Variants in CNTNAP5 observed in about 807,000 individuals in gnomAD.
The protein encoded by CNTNAP5 is contactin associated protein family member 5.
CNTNAP5 carries 72 observed loss-of-function variants against 150.2 expected under a neutral mutation model. That is an observed-to-expected ratio of 0.48 (90% CI 0.40 to 0.58). The LOEUF (loss-of-function observed/expected upper bound fraction) is 0.58. Ranked by LOEUF, CNTNAP5 falls within the 20% of genes least tolerant of loss-of-function variation. The pLI, the probability that CNTNAP5 is intolerant of heterozygous loss-of-function variation, is 0.00. For synonymous variants in CNTNAP5, 672 were observed against 619.8 expected (o/e 1.08, Z -1.25); for missense variants, 1,636 against 1,626.2 (o/e 1.01, Z -0.10).
chr2:124,034,387 C>G (rs1384405879), intron 1 of CNTNAP5, among the ~76,000 whole-genome samples: 1 of 152,144 alleles, frequency 6.6e-6, no homozygotes, highest in Non-Finnish European at 1.5e-5. Flanking sequence ...GGCCCACTTC[C>G]CCTTCATCTG....
intron 1 of CNTNAP5, among the ~76,000 whole-genome samples, chr2:124,170,358 A>G (rs1684901632): frequency 6.6e-6 from 1 of 152,038 alleles, no homozygotes; most frequent in Non-Finnish European, 1.5e-5. Flanking sequence ...GCAGCCCAAT[A>G]TGGATTTGAC....
chr2:124,058,264 A>G (rs1681910158), intron 1 of CNTNAP5, among the ~76,000 whole-genome samples: 1 of 152,188 alleles, frequency 6.6e-6, no homozygotes, highest in Non-Finnish European at 1.5e-5. Context: ...AATGTTATAT[A>G]AGGTTTTGCA....
chr2:124,140,356 AC>A (rs1391321064), intron 1 of CNTNAP5, among the ~76,000 whole-genome samples: 1 of 151,802 alleles, frequency 6.6e-6, no homozygotes, highest in Non-Finnish European at 1.5e-5. Context: ...AAACAAAAAA[AC>A]AGCAGTAACC....
intron 3 of CNTNAP5, among the ~76,000 whole-genome samples, chr2:124,269,252 T>C (rs1687685181): frequency 6.6e-6 from 1 of 152,160 alleles, no homozygotes; most frequent in African/African-American, 2.4e-5. Flanking sequence ...TCAGGAATCC[T>C]TTTCATAGTA....
intron 3 of CNTNAP5, among the ~76,000 whole-genome samples, chr2:124,329,076 G>T (rs930359439): frequency 6.6e-6 from 1 of 152,110 alleles, no homozygotes; most frequent in Non-Finnish European, 1.5e-5. Flanking sequence ...GAAGTAAATC[G>T]GCCCAAAGAG....
At position 124,233,130 on chromosome 2, in the gene CNTNAP5, C is replaced by A. The variant is rs1351709503; in HGVS notation, c.188-9070C>A. 2.6e-5 allele frequency among the ~76,000 whole-genome samples: 4 copies of A among 151,678 alleles called. No homozygotes were observed. In the East Asian group the frequency reaches 7.7e-4, roughly 29 times the overall value. On this transcript the variant is annotated intron_variant, in intron 2 of 23. Transcript: ENST00000682447. Reference sequence around the variant, plus strand: ...TTCTCAAAAAGGGCAGGCTCCAGGGCTGCCAGATTTAATTCAACAATACCA... The same window carrying A: ...TTCTCAAAAAGGGCAGGCTCCAGGGATGCCAGATTTAATTCAACAATACCA...
rs35107442 is a variant in CNTNAP5 at position 124,392,687 on chromosome 2, C to CAAA, written c.382-24735_382-24733dup. ...TGATTTGCATTTTGTTTTTCTTTGCCAAAAAAAAAAAAAAAAAAAAAAAGG... is the reference window on the plus strand; with the variant it reads ...TGATTTGCATTTTGTTTTTCTTTGCCAAAAAAAAAAAAAAAAAAAAAAAAAAGG... On this transcript the variant is annotated intron_variant, in intron 3 of 23. Coordinates refer to ENST00000682447, the MANE Select transcript of CNTNAP5 (RefSeq NM_001367498.1). Among the ~76,000 whole-genome samples the CAAA allele has an allele frequency of 8.9e-3, 613 of 68,730 alleles. 4 individuals carry two copies. The highest frequency in any genetic ancestry group is 0.032 in the African/African-American group (574 of 17,880). 45.1% of individuals were successfully genotyped at this position (68,730 alleles called of 152,430 possible).
chr2:124,102,362 G>A (rs1477302644), intron 1 of CNTNAP5, among the ~76,000 whole-genome samples: 1 of 152,098 alleles, frequency 6.6e-6, no homozygotes, highest in Non-Finnish European at 1.5e-5. Context: ...AATCATCCTC[G>A]GGGGATAATT....
At chr2:124,313,536 C>A (rs1688885508) in intron 3 of CNTNAP5, among the ~76,000 whole-genome samples, 1 of 152,328 alleles carries the variant, frequency 6.6e-6, no homozygotes, top group Non-Finnish European at 1.5e-5. Context: ...AGCTTCTGCT[C>A]TCACATACCT....
At chr2:124,497,881 G>A (rs761803629) in intron 7 of CNTNAP5, among the ~76,000 whole-genome samples, 60 of 152,244 alleles carry the variant, frequency 3.9e-4, no homozygotes, top group Middle Eastern at 3.4e-3. Flanking sequence ...GAAGTTCTTC[G>A]TCTGTGTAAC....
At chr2:124,359,814 A>C (rs1490998719) in intron 3 of CNTNAP5, among the ~76,000 whole-genome samples, 2 of 51,870 alleles carry the variant, frequency 3.9e-5, no homozygotes, top group African/African-American at 1.7e-4. Context: ...GTAGATGTCT[A>C]TTAGGTCTGC....
intron 3 of CNTNAP5, among the ~76,000 whole-genome samples, chr2:124,402,442 A>G (rs1487243423): frequency 6.6e-6 from 1 of 152,206 alleles, no homozygotes; most frequent in African/African-American, 2.4e-5. Flanking sequence ...AAGGGAGAGA[A>G]CATGAGCACG....
At chr2:124,694,029 G>T (rs1489443477) in intron 13 of CNTNAP5, among the ~76,000 whole-genome samples, 2 of 152,006 alleles carry the variant, frequency 1.3e-5, no homozygotes, top group African/African-American at 4.8e-5. Context: ...AAACAACTGT[G>T]TACACACTTA....
chr2:124,691,574 T>C (rs1679300918), intron 13 of CNTNAP5, among the ~76,000 whole-genome samples: 1 of 152,110 alleles, frequency 6.6e-6, no homozygotes, highest in Non-Finnish European at 1.5e-5. Context: ...GGCTCATTTA[T>C]CTCATATTGT....
At chr2:124,628,916 AG>A (rs1372999184) in intron 12 of CNTNAP5, among the ~76,000 whole-genome samples, 6 of 152,348 alleles carry the variant, frequency 3.9e-5, no homozygotes, top group Admixed American at 2.0e-4. Context: ...TAGCAATCCT[AG>A]TTTCTGACAA....
chr2:124,229,214 G>A (rs1027038355), intron 2 of CNTNAP5, among the ~76,000 whole-genome samples: 43 of 152,068 alleles, frequency 2.8e-4, no homozygotes, highest in Admixed American at 1.3e-3. Flanking sequence ...TAACCTATGA[G>A]CTCCCCCAAC....
At chr2:124,155,801 A>G (rs943080606) in intron 1 of CNTNAP5, among the ~76,000 whole-genome samples, 1 of 152,202 alleles carries the variant, frequency 6.6e-6, no homozygotes, top group African/African-American at 2.4e-5. Context: ...CTGAAAAACA[A>G]AACAAAATAA....
chr2:124,338,117 T>C (rs557449110), intron 3 of CNTNAP5, among the ~76,000 whole-genome samples: 22 of 152,234 alleles, frequency 1.4e-4, no homozygotes, highest in African/African-American at 4.1e-4. Context: ...TATTTTATTC[T>C]CTTTGAAGCA....
At chr2:124,776,221 G>A (rs527893673) in intron 17 of CNTNAP5, among the ~76,000 whole-genome samples, 1 of 152,162 alleles carries the variant, frequency 6.6e-6, no homozygotes, top group African/African-American at 2.4e-5. Context: ...TTGTGAAGAT[G>A]GGGCCTGTGA....
Sources: gnomAD v4.1 joint callset for allele counts (sites outside exome capture counted in the v4.1 genomes callset) on GRCh38, gnomAD v4.1.1 for gene constraint, MANE v1.5 for transcripts, NCBI Gene and HGNC (gene_info 2026-07-23, HGNC 2026-07-21) for gene names.